MEF2D: variants seen among roughly 807,000 people sequenced by gnomAD.
MEF2D encodes the protein myocyte-specific enhancer factor 2D.
Under a neutral mutation model 59.3 loss-of-function variants are expected in MEF2D, and 10 were observed. That is an observed-to-expected ratio of 0.17 (90% confidence interval 0.10 to 0.29). MEF2D has a LOEUF of 0.29. Ranked by LOEUF, MEF2D falls within the 10% of genes least tolerant of loss-of-function variation. The probability of loss-of-function intolerance (pLI) is 1.00; values close to 1 mark genes in which losing one functional copy is unlikely to be tolerated. For synonymous variants in MEF2D, 305 were observed against 295.0 expected (o/e 1.03, Z -0.35); for missense variants, 508 against 699.4 (o/e 0.73, Z 3.09).
intron 2 of MEF2D, among the ~76,000 whole-genome samples, chr1:156,482,858 A>G (rs1275460709): frequency 1.3e-5 from 2 of 152,176 alleles, no homozygotes; most frequent in Non-Finnish European, 2.9e-5. Flanking sequence ...CCACTCACTG[A>G]AGGGGCAGGA....
chr1:156,473,030 T>C (rs368662065), intron 9 of MEF2D, among the ~76,000 whole-genome samples: 7 of 150,502 alleles, frequency 4.7e-5, no homozygotes, highest in African/African-American at 1.2e-4. Context: ...TGAACTTTTT[T>C]TTTTTTGAGA....
chr1:156,486,099 C>T (rs1029049858), intron 1 of MEF2D, among the ~76,000 whole-genome samples: 1 of 152,140 alleles, frequency 6.6e-6, no homozygotes, highest in African/African-American at 2.4e-5. Flanking sequence ...CCACCCACCT[C>T]GACCTCGTGC....
intron 11 of MEF2D, 87 bp from the exon 12 acceptor site, chr1:156,467,743 C>T (rs1452416391): frequency 5.3e-6 from 7 of 1,319,606 alleles, no homozygotes; most frequent in Non-Finnish European, 7.0e-6. Context: ...CCCCATAGGG[C>T]CAGGATTCTA....
At chr1:156,472,133 T>G (rs1476653455) in intron 9 of MEF2D, among the ~76,000 whole-genome samples, 1 of 152,120 alleles carries the variant, frequency 6.6e-6, no homozygotes, top group Non-Finnish European at 1.5e-5. Context: ...GATAAACAGC[T>G]CCAGAAAAGT....
intron 9 of MEF2D, among the ~76,000 whole-genome samples, chr1:156,472,335 G>A (rs540217657): frequency 1.3e-5 from 2 of 152,336 alleles, no homozygotes; most frequent in East Asian, 3.9e-4. Context: ...TTCTGAAGCA[G>A]CCATCTGTGA....
At chr1:156,475,304 C>A (rs1196049331) in intron 8 of MEF2D, 67 bp from the exon 9 acceptor site, 3 of 1,494,804 alleles carry the variant, frequency 2.0e-6, no homozygotes, top group East Asian at 4.8e-5. Flanking sequence ...GCCCTCCATC[C>A]CAAGGCCAAG....
At chr1:156,495,962 A>G (rs993193015) in intron 1 of MEF2D, among the ~76,000 whole-genome samples, 1 of 152,092 alleles carries the variant, frequency 6.6e-6, no homozygotes, top group Admixed American at 6.5e-5. Context: ...AGCTTCGGAC[A>G]TGTCCCTCCC....
Position 156,476,423 on chromosome 1 carries a change from T to C in MEF2D, c.876+71A>G, listed in dbSNP as rs376572554. 2.8e-5 allele frequency: 43 copies of C among 1,558,602 alleles called. No individual in the cohort carries two copies. The African/African-American group carries it at 5.4e-4, about 20-fold the overall frequency. On this transcript the variant is annotated intron_variant, in intron 8 of 11. Transcript: ENST00000348159. ...CGAGAGGCCAAGGACGCACACGTAC[T>C]TCATGCTGGGGGACCGCAGAGCAAT...
chr1:156,483,112 T>A (rs552473779), intron 2 of MEF2D, 127 bp downstream of exon 2: 7 of 1,003,224 alleles, frequency 7.0e-6, no homozygotes, highest in African/African-American at 6.4e-5. Context: ...CCAATCTCCC[T>A]TCCCCTTCTG....
At chr1:156,481,102 C>A (rs1671984765) in intron 3 of MEF2D, 131 bp from the exon 4 acceptor site, 8 of 1,296,618 alleles carry the variant, frequency 6.2e-6, no homozygotes, top group African/African-American at 1.5e-5. Context: ...CAGCATCTCC[C>A]TGGCCCCTCC....
At position 156,476,959 on chromosome 1, in the gene MEF2D, G is replaced by T. The variant is rs924462561; in HGVS notation, c.855+53C>A. ...CTGCTAGAGGTCTGCTCTTTCCCCT[G>T]TCCCTACTCTTCCATTCCCCAGCCC... is the stretch of plus-strand genomic sequence containing the variant. On this transcript the variant is annotated intron_variant, in intron 7 of 11. Transcript: ENST00000348159. The T allele has an allele frequency of 1.4e-5, 23 of 1,600,094 alleles. No individual in the cohort carries two copies. The Admixed American group carries it at 1.5e-4, about 10-fold the overall frequency.
chr1:156,468,851 C>A lies in MEF2D; in HGVS notation c.1176G>T (p.Gln392His). ...GTGGCTGTTGCGGCTGCTGAGGCTG[C>A]TGTGGCTGTGGCTGCTGTGGCTGCG... is the stretch of plus-strand genomic sequence containing the variant. ...QPPQPQQPQP[Q>H]QPQQPQQPPQ... The change falls in exon 10 of 12, where the codon CAG becomes CAT. Residue 392 changes from glutamine (Q) to histidine (H), a missense_variant. By Grantham distance (24) the Gln-to-His change is conservative. Around this residue, in one of 2 missense-constraint regions of MEF2D, gnomAD observed 481 missense variants for 584.7 expected, o/e 0.82. Coordinates refer to ENST00000348159, the MANE Select transcript of MEF2D (RefSeq NM_005920.4). This position sits in a 1 kb window ranked among gnomAD's most constrained non-coding sequence, Gnocchi z 4.3. The A allele has an allele frequency of 6.2e-7, 1 of 1,613,858 alleles. No individual in the cohort carries two copies. The highest frequency in any genetic ancestry group is 8.5e-7 in the Non-Finnish European group (1 of 1,179,896).
At chr1:156,474,603 G>C (rs991495704) in intron 9 of MEF2D, among the ~76,000 whole-genome samples, 5 of 152,090 alleles carry the variant, frequency 3.3e-5, no homozygotes, top group African/African-American at 4.8e-5. Context: ...TTGAGACCAG[G>C]AATTTGAGAC....
Position 156,482,431 on chromosome 1 carries a change from G to C in MEF2D, c.258+6C>G. On this transcript the variant is annotated splice_donor_region_variant and intron_variant, in intron 3 of 11. Coordinates refer to ENST00000348159, the MANE Select transcript of MEF2D (RefSeq NM_005920.4). ...TATATCCTGGTGCCTGTGTGTATGGGCCCACCTCGATGATGTCGGCGTTGG... is the reference window on the plus strand; with the variant it reads ...TATATCCTGGTGCCTGTGTGTATGGCCCCACCTCGATGATGTCGGCGTTGG... The C allele has an allele frequency of 6.2e-7, 1 of 1,613,540 alleles. No individual in the cohort carries two copies. Among genetic ancestry groups the C allele is most frequent in the Non-Finnish European group, 8.5e-7 (1 of 1,180,008 alleles).
chr1:156,489,842 A>C (rs1042762149), intron 1 of MEF2D, among the ~76,000 whole-genome samples: 2 of 152,146 alleles, frequency 1.3e-5, no homozygotes, highest in African/African-American at 4.8e-5. Context: ...ACCGAGGACC[A>C]AGGACGACAG....
chr1:156,496,783 A>G (rs986943521), intron 1 of MEF2D, among the ~76,000 whole-genome samples: 3 of 152,176 alleles, frequency 2.0e-5, no homozygotes, highest in Non-Finnish European at 4.4e-5. Flanking sequence ...AATGCTGTGG[A>G]CTGCATTGGG....
chr1:156,473,165 G>A (rs1039678500), intron 9 of MEF2D, among the ~76,000 whole-genome samples: 1 of 151,718 alleles, frequency 6.6e-6, no homozygotes, highest in Non-Finnish European at 1.5e-5. Flanking sequence ...CTACAGGTAC[G>A]TGCCACTACA....
At chr1:156,474,205 G>A (rs1262444591) in intron 9 of MEF2D, among the ~76,000 whole-genome samples, 1 of 152,320 alleles carries the variant, frequency 6.6e-6, no homozygotes, top group Non-Finnish European at 1.5e-5. Context: ...GCTCATGCCT[G>A]TAATCCCAGC....
intron 1 of MEF2D, among the ~76,000 whole-genome samples, chr1:156,483,649 C>T (rs3818463): frequency 0.55 from 83,787 of 152,086 alleles, 25,009 homozygotes; most frequent in East Asian, 0.73. Context: ...CCCTCGGTCA[C>T]TGCTGTCCTC....
Sources: gnomAD v4.1 joint callset for allele counts (sites outside exome capture counted in the v4.1 genomes callset) on GRCh38, gnomAD v4.1.1 for gene constraint, gnomAD v4.1.1 regional missense constraint, Gnocchi (gnomAD v3.1) non-coding constraint, MANE v1.5 for transcripts, NCBI Gene and HGNC (gene_info 2026-07-23, HGNC 2026-07-21) for gene names.